The following SYT9 variants were observed in gnomAD, a reference collection of about 807,000 sequenced individuals.
SYT9 encodes synaptotagmin 9, also known as synaptotagmin-9.
A neutral mutation model predicts 48.4 loss-of-function variants in SYT9; 22 were observed. The observed-to-expected ratio is 0.45, with a 90% CI of 0.32 to 0.65. The LOEUF (loss-of-function observed/expected upper bound fraction) is 0.65, where lower values mean the gene tolerates loss of function less well. Ranked by LOEUF, SYT9 falls within the 30% of genes least tolerant of loss-of-function variation. The pLI is 0.03. For missense variants in SYT9, 577 were observed against 622.0 expected, an observed-to-expected ratio of 0.93 and a Z score of 0.77; for synonymous variants, 265 against 245.0, an observed-to-expected ratio of 1.08 and a Z score of -0.76.
intron 3 of SYT9, among the ~76,000 whole-genome samples, chr11:7,317,916 A>T (rs1339441970): frequency 6.6e-6 from 1 of 152,238 alleles, no homozygotes; most frequent in African/African-American, 2.4e-5. Flanking sequence ...CCTCTATCTT[A>T]GTTCAACCTT....
intron 6 of SYT9, among the ~76,000 whole-genome samples, chr11:7,465,393 T>C (rs1848313000): frequency 6.6e-6 from 1 of 152,230 alleles, no homozygotes; most frequent in East Asian, 1.9e-4. Flanking sequence ...ATAAATTTCA[T>C]TGTCAGAATG....
In SYT9 at chr11:7,437,722, G is replaced by C. The variant is rs1487739322; in HGVS notation, c.1467+17087G>C. ...TCCTTGGTTTTAGCTTCTCTGCATA[G>C]AACACTACATGCCTGAGTTTGTGTT... is the stretch of plus-strand genomic sequence containing the variant. On this transcript the variant is annotated intron_variant, in intron 6 of 6. Coordinates refer to ENST00000318881, the MANE Select transcript of SYT9 (RefSeq NM_175733.4). The C allele has an allele frequency of 2.0e-5, 3 of 152,132 alleles. No individual in the cohort carries two copies. The East Asian group carries it at 5.8e-4, about 29-fold the overall frequency. 9.4% of individuals were successfully genotyped at this position (152,132 alleles called of 1,614,324 possible). A position where few individuals can be genotyped will look rare whatever the true frequency, so the allele number is the denominator to read the frequency against.
At chr11:7,273,988 A>C (rs1367422749) in intron 1 of SYT9, among the ~76,000 whole-genome samples, 47 of 152,312 alleles carry the variant, frequency 3.1e-4, no homozygotes, top group Non-Finnish European at 1.2e-4. Flanking sequence ...TGATAGGTGC[A>C]GCAAACCACC....
chr11:7,333,881 G>T (rs1358353470), intron 3 of SYT9, among the ~76,000 whole-genome samples: 1 of 152,192 alleles, frequency 6.6e-6, no homozygotes, highest in Admixed American at 6.5e-5. Flanking sequence ...TTTGGTTTTG[G>T]GAGATGGAAA....
intron 6 of SYT9, among the ~76,000 whole-genome samples, chr11:7,459,560 G>T (rs1848206013): frequency 6.6e-6 from 1 of 152,168 alleles, no homozygotes. Context: ...AACTGACATT[G>T]GGTTTACCAA....
At chr11:7,299,496 A>G (rs547446292) in intron 1 of SYT9, among the ~76,000 whole-genome samples, 4 of 152,314 alleles carry the variant, frequency 2.6e-5, no homozygotes, top group Admixed American at 2.6e-4. Context: ...TAAATCAGAA[A>G]AAAAGCCACT....
intron 1 of SYT9, among the ~76,000 whole-genome samples, chr11:7,269,916 C>T (rs948184005): frequency 6.6e-6 from 1 of 152,034 alleles, no homozygotes; most frequent in Non-Finnish European, 1.5e-5. Flanking sequence ...ACCCTAAAGC[C>T]AAAAACCATA....
At position 7,468,819 on chromosome 11, in the gene SYT9, G is replaced by C. The variant is rs1260429877; in HGVS notation, c.*2019G>C. 1 of 152,454 alleles carries C rather than the reference G, an allele frequency of 6.6e-6. No individual in the cohort carries two copies. Among genetic ancestry groups the C allele is most frequent in the African/African-American group, 2.4e-5 (1 of 41,454 alleles). The allele number at this position is 152,454 out of a possible 1,614,324, so 9.4% of individuals were successfully genotyped here. A position where few individuals can be genotyped will look rare whatever the true frequency, so the allele number is the denominator to read the frequency against. On this transcript the variant is annotated 3_prime_UTR_variant, in exon 7 of 7. Coordinates refer to ENST00000318881, the MANE Select transcript of SYT9 (RefSeq NM_175733.4). The stretch of plus-strand genomic sequence containing the variant: ...TAATGAGGATGCAACTGGCTTATTG[G>C]TATGAAATAGAAGGTGGCTTTGTAG...
chr11:7,398,478 C>T (rs537184636), intron 3 of SYT9, among the ~76,000 whole-genome samples: 64 of 150,254 alleles, frequency 4.3e-4, no homozygotes, highest in African/African-American at 1.4e-3. Context: ...GGCATGATCT[C>T]GGCTCACTGC....
intron 2 of SYT9, among the ~76,000 whole-genome samples, chr11:7,305,353 C>T (rs1055046442): frequency 6.6e-6 from 1 of 152,114 alleles, no homozygotes; most frequent in African/African-American, 2.4e-5. Flanking sequence ...CATTTTTATG[C>T]ATTTAAAACA....
intron 1 of SYT9, among the ~76,000 whole-genome samples, chr11:7,257,982 A>G (rs907907216): frequency 3.9e-5 from 6 of 152,162 alleles, no homozygotes; most frequent in South Asian, 2.1e-4. Context: ...CAAAAGCACA[A>G]ACTTTTTGAT....
chr11:7,447,327 G>A (rs149696297), intron 6 of SYT9, among the ~76,000 whole-genome samples: 183 of 152,244 alleles, frequency 1.2e-3, no homozygotes, highest in African/African-American at 3.9e-3. Context: ...GGCACACAGA[G>A]GCCTTCACAA....
chr11:7,398,343 G>A (rs1000634005), intron 3 of SYT9, among the ~76,000 whole-genome samples: 10 of 151,414 alleles, frequency 6.6e-5, no homozygotes, highest in African/African-American at 2.4e-4. Flanking sequence ...TATGAGTTTA[G>A]TTTGCTAAAA....
At chr11:7,366,573 T>G (rs1850248090) in intron 3 of SYT9, among the ~76,000 whole-genome samples, 1 of 152,218 alleles carries the variant, frequency 6.6e-6, no homozygotes, top group Non-Finnish European at 1.5e-5. Flanking sequence ...CATCTTCATT[T>G]TAACTCATAA....
intron 3 of SYT9, among the ~76,000 whole-genome samples, chr11:7,400,094 G>C (rs142854112): frequency 6.6e-6 from 1 of 152,344 alleles, no homozygotes; most frequent in African/African-American, 2.4e-5. Context: ...GGTATGCTTA[G>C]ATCAGTGAAG....
chr11:7,258,287 A>G (rs1468260882), intron 1 of SYT9, among the ~76,000 whole-genome samples: 2 of 152,210 alleles, frequency 1.3e-5, no homozygotes, highest in Non-Finnish European at 2.9e-5. Context: ...AAGGACAAGT[A>G]TGGAGTATGT....
intron 3 of SYT9, among the ~76,000 whole-genome samples, chr11:7,356,222 A>G (rs987712711): frequency 6.6e-6 from 1 of 152,210 alleles, no homozygotes; most frequent in Admixed American, 6.5e-5. Flanking sequence ...CAAGAAGCTA[A>G]TTGGAAAGAC....
In SYT9 at chr11:7,448,567, C is replaced by T. The variant is rs528254989; in HGVS notation, c.1468-18225C>T. 3.0e-4 allele frequency among the ~76,000 whole-genome samples: 46 copies of T among 152,300 alleles called. No homozygotes were observed. In the South Asian group the frequency reaches 8.5e-3, roughly 28 times the overall value. On this transcript the variant is annotated intron_variant, in intron 6 of 6. Transcript: ENST00000318881. ...CTTTATTGATTGCAATTTCATGCTG[C>T]GATTATGCACGTCAATCTACGCTGA...
intron 1 of SYT9, among the ~76,000 whole-genome samples, chr11:7,241,207 AACACACACAC>A (rs141196550): frequency 6.2e-5 from 9 of 144,108 alleles, no homozygotes; most frequent in African/African-American, 1.6e-4. Context: ...TGTTATTTAA[AACACACACAC>A]ACACACACAC....
Sources: allele counts gnomAD v4.1 joint callset (sites outside exome capture counted in the v4.1 genomes callset), GRCh38; gene constraint gnomAD v4.1.1; transcripts MANE v1.5; gene names NCBI Gene and HGNC (gene_info 2026-07-23, HGNC 2026-07-21).